Variants in ZNF780B observed in about 807,000 individuals in gnomAD.
ZNF780B encodes zinc finger protein 779.
A neutral mutation model predicts 74.1 loss-of-function variants in ZNF780B; 52 were observed. That is an observed-to-expected ratio of 0.70 (90% CI 0.56 to 0.88). The LOEUF (loss-of-function observed/expected upper bound fraction) is 0.88, where lower values mean the gene tolerates loss of function less well. Ranked by LOEUF, ZNF780B falls within the 40% of genes least tolerant of loss-of-function variation. The probability of loss-of-function intolerance (pLI) is 0.00; values close to 1 mark genes in which losing one functional copy is unlikely to be tolerated. For missense variants in ZNF780B, 953 were observed against 1,007.6 expected, an observed-to-expected ratio of 0.95 and a Z score of 0.73; for synonymous variants, 315 against 324.3, an observed-to-expected ratio of 0.97 and a Z score of 0.31.
intron 4 of ZNF780B, among the ~76,000 whole-genome samples, chr19:40,043,488 T>C (rs1456029936): frequency 6.6e-6 from 1 of 152,218 alleles, no homozygotes; most frequent in Non-Finnish European, 1.5e-5. Flanking sequence ...TACTGCTGTC[T>C]TTTTGCCCTG....
In ZNF780B at chr19:40,040,965, C is replaced by T. The variant is rs1188613197; in HGVS notation, c.233-4339G>A. Reference sequence around the variant, plus strand: ...TGCCTTCTGCTAGCTTTTGAATGTGCTTGCTCTTGCTTTTCTAGTTAATTG... The same window carrying T: ...TGCCTTCTGCTAGCTTTTGAATGTGTTTGCTCTTGCTTTTCTAGTTAATTG... On this transcript the variant is annotated intron_variant, in intron 4 of 4. Coordinates refer to ENST00000434248, the MANE Select transcript of ZNF780B (RefSeq NM_001005851.3). Among the ~76,000 whole-genome samples the T allele has an allele frequency of 1.8e-4, 27 of 152,154 alleles. 1 individual carries two copies. In the South Asian group the frequency reaches 5.6e-3, roughly 32 times the overall value.
intron 2 of ZNF780B, 129 bp from the exon 3 acceptor site, chr19:40,048,925 T>C: frequency 7.1e-7 from 1 of 1,402,974 alleles, no homozygotes; most frequent in South Asian, 1.4e-5. Flanking sequence ...TACACATTCT[T>C]CAAGAATCCT....
chr19:40,037,654 G>T (rs1260937693), intron 4 of ZNF780B, among the ~76,000 whole-genome samples: 1 of 152,086 alleles, frequency 6.6e-6, no homozygotes, highest in East Asian at 1.9e-4. Flanking sequence ...AACTGGTTTT[G>T]AATGGTTTAT....
intron 4 of ZNF780B, among the ~76,000 whole-genome samples, chr19:40,039,830 T>C (rs1321370637): frequency 6.6e-6 from 1 of 151,982 alleles, no homozygotes; most frequent in Non-Finnish European, 1.5e-5. Flanking sequence ...TGGGGTTTTC[T>C]AGATATACAA....
At chr19:40,055,049 C>T (rs1973425001) in intron 1 of ZNF780B, among the ~76,000 whole-genome samples, 1 of 152,196 alleles carries the variant, frequency 6.6e-6, no homozygotes, top group Non-Finnish European at 1.5e-5. Context: ...CTCCATTCTT[C>T]CCTACTTGGA....
chr19:40,032,383 C>A lies in ZNF780B; in HGVS notation c.*1974G>T, dbSNP rs1028829535. On this transcript the variant is annotated 3_prime_UTR_variant, in exon 5 of 5. Transcript: ENST00000434248. ...GCTACAATACACTAAAGAGAGATAA[C>A]CAAATGCAATGCAGAATCTGCAATG... 5.1e-6 allele frequency: 2 copies of A among 393,864 alleles called. No homozygotes were observed. The highest frequency in any genetic ancestry group is 6.7e-5 in the Admixed American group (2 of 29,840). 24.4% of individuals were successfully genotyped at this position (393,864 alleles called of 1,614,324 possible). A position where few individuals can be genotyped will look rare whatever the true frequency, so the allele number is the denominator to read the frequency against.
In ZNF780B at chr19:40,034,309, G is replaced by A. The variant is rs1972121263; in HGVS notation, c.*48C>T. ...TGAAATCTATAATGTCCATGAAATT[G>A]GTAATGATATTGAAAGGCCTTCCCA... On this transcript the variant is annotated 3_prime_UTR_variant, in exon 5 of 5. Coordinates refer to ENST00000434248, the MANE Select transcript of ZNF780B (RefSeq NM_001005851.3). The A allele has an allele frequency of 7.1e-7, 1 of 1,415,006 alleles. No homozygotes were observed. Among genetic ancestry groups the A allele is most frequent in the Non-Finnish European group, 9.7e-7 (1 of 1,026,626 alleles). The allele number at this position is 1,415,006 out of a possible 1,614,324, so 87.7% of individuals were successfully genotyped here.
In ZNF780B at chr19:40,029,599, A is replaced by T. The variant is rs1971955173; in HGVS notation, c.*4758T>A. 6.5e-6 allele frequency: 1 copy of T among 154,022 alleles called. No individual in the cohort carries two copies. Among genetic ancestry groups the T allele is most frequent in the African/African-American group, 2.4e-5 (1 of 41,512 alleles). The allele number at this position is 154,022 out of a possible 1,614,324, so 9.5% of individuals were successfully genotyped here. ...CTGAAACTATTAAAAGAATTCTAACAAAAGCAGCATCTTTTTTTCCATACC... is the reference window on the plus strand; with the variant it reads ...CTGAAACTATTAAAAGAATTCTAACTAAAGCAGCATCTTTTTTTCCATACC... On this transcript the variant is annotated 3_prime_UTR_variant, in exon 5 of 5. Transcript: ENST00000434248.
At chr19:40,043,147 T>C (rs1972740095) in intron 4 of ZNF780B, among the ~76,000 whole-genome samples, 1 of 152,222 alleles carries the variant, frequency 6.6e-6, no homozygotes, top group Non-Finnish European at 1.5e-5. Flanking sequence ...GCAGGTCTGT[T>C]GGAGTTTGCT....
In ZNF780B at chr19:40,029,947, C is replaced by G. The variant is rs989524261; in HGVS notation, c.*4410G>C. Reference sequence around the variant, plus strand: ...ATTACTACAGGTGCTTCTCAACTTACGGGGAGTTATGTCCAAATAAACCCA... The same window carrying G: ...ATTACTACAGGTGCTTCTCAACTTAGGGGGAGTTATGTCCAAATAAACCCA... On this transcript the variant is annotated 3_prime_UTR_variant, in exon 5 of 5. Coordinates refer to ENST00000434248, the MANE Select transcript of ZNF780B (RefSeq NM_001005851.3). 2 of 152,142 alleles carry G rather than the reference C, an allele frequency of 1.3e-5. No homozygotes were observed. Among genetic ancestry groups the G allele is most frequent in the Non-Finnish European group, 1.5e-5 (1 of 68,030 alleles). The allele number at this position is 152,142 out of a possible 1,614,324, so 9.4% of individuals were successfully genotyped here.
In ZNF780B at chr19:40,050,196, C is replaced by CAAAAAAAAAA. The variant is rs74179712; in HGVS notation, c.9+118_9+127dup. 31 of 392,382 alleles carry CAAAAAAAAAA rather than the reference C, an allele frequency of 7.9e-5. No individual in the cohort carries two copies. The African/African-American group carries it at 1.8e-3, about 23-fold the overall frequency. The allele number at this position is 392,382 out of a possible 1,614,324, so 24.3% of individuals were successfully genotyped here. On this transcript the variant is annotated intron_variant, in intron 2 of 4. Transcript: ENST00000434248. ...TGGGTGACAGAGCAAGACTCCGTCT[C>CAAAAAAAAAA]AAAAAAAAAAAAAAAAAAAAAAAAA...
Position 40,036,022 on chromosome 19 carries a change from A to G in ZNF780B, c.837T>C (p.Cys279=). ...SIHAGVKPYQ[C]KECGKAFNRG... ...GATTAAAGGCTTTCCCACACTCCTT[A>G]CATTGATATGGTTTTACACCAGCAT... is the stretch of plus-strand genomic sequence containing the variant. Residue 279 remains cysteine, a synonymous_variant, in exon 5 of 5, where the codon TGT becomes TGC. Coordinates refer to ENST00000434248, the MANE Select transcript of ZNF780B (RefSeq NM_001005851.3). 1 of 1,614,080 alleles carries G rather than the reference A, an allele frequency of 6.2e-7. No homozygotes were observed. The highest frequency in any genetic ancestry group is 8.5e-7 in the Non-Finnish European group (1 of 1,180,000).
At position 40,030,666 on chromosome 19, in the gene ZNF780B, T is replaced by C. The variant is rs1392200702; in HGVS notation, c.*3691A>G. 6.6e-6 allele frequency: 1 copy of C among 152,234 alleles called. No homozygotes were observed. Among genetic ancestry groups the C allele is most frequent in the Non-Finnish European group, 1.5e-5 (1 of 68,040 alleles). The allele number at this position is 152,234 out of a possible 1,614,324, so 9.4% of individuals were successfully genotyped here. A position where few individuals can be genotyped will look rare whatever the true frequency, so the allele number is the denominator to read the frequency against. On this transcript the variant is annotated 3_prime_UTR_variant, in exon 5 of 5. Transcript: ENST00000434248. ...ACAAATATATTAAAGTGTTTTATTA[T>C]GTTTGCAAAGGGACTCTGACTTCCA...
intron 1 of ZNF780B, 139 bp from the exon 2 acceptor site, chr19:40,050,516 C>A: frequency 1.1e-6 from 1 of 878,918 alleles, no homozygotes; most frequent in South Asian, 1.7e-5. Flanking sequence ...CCCGTCACTC[C>A]CTTTTTCCCT....
At chr19:40,044,639 T>C (rs1972848866) in intron 4 of ZNF780B, among the ~76,000 whole-genome samples, 1 of 151,980 alleles carries the variant, frequency 6.6e-6, no homozygotes, top group African/African-American at 2.4e-5. Context: ...CACCTAGAAG[T>C]GAAAGGACAA....
In ZNF780B at chr19:40,035,375, T is replaced by C; in HGVS notation, c.1484A>G (p.His495Arg). 2 of 1,614,214 alleles carry C rather than the reference T, an allele frequency of 1.2e-6. No homozygotes were observed. Among genetic ancestry groups the C allele is most frequent in the Non-Finnish European group, 1.7e-6 (2 of 1,180,022 alleles). The change falls in exon 5 of 5, where the codon CAT becomes CGT. Residue 495 changes from histidine to arginine, a missense_variant. By Grantham distance (29) the His-to-Arg change is conservative. Transcript: ENST00000434248. ...LTQLARHKNI[H>R]TGEKPFECKD... ...ACATTCAAATGGTTTCTCACCAGTATGAATGTTCTTATGTCGAGCAAGCTG... is the reference window on the plus strand; with the variant it reads ...ACATTCAAATGGTTTCTCACCAGTACGAATGTTCTTATGTCGAGCAAGCTG...
chr19:40,042,419 T>C (rs1467661495), intron 4 of ZNF780B, among the ~76,000 whole-genome samples: 1 of 152,186 alleles, frequency 6.6e-6, no homozygotes, highest in East Asian at 1.9e-4. Flanking sequence ...TGTGGCATTC[T>C]CTGTATTTCC....
chr19:40,054,355 T>A (rs891436825), intron 1 of ZNF780B, among the ~76,000 whole-genome samples: 1 of 152,200 alleles, frequency 6.6e-6, no homozygotes, highest in Non-Finnish European at 1.5e-5. Context: ...CTACTATTAA[T>A]AACTATTCTG....
At chr19:40,044,180 G>A (rs951671800) in intron 4 of ZNF780B, among the ~76,000 whole-genome samples, 8 of 152,090 alleles carry the variant, frequency 5.3e-5, no homozygotes, top group African/African-American at 1.7e-4. Context: ...AGGTCCTAGA[G>A]ACAAAGAGAA....
Sources: gnomAD v4.1 joint callset for allele counts (sites outside exome capture counted in the v4.1 genomes callset) on GRCh38, gnomAD v4.1.1 for gene constraint, MANE v1.5 for transcripts, NCBI Gene and HGNC (gene_info 2026-07-23, HGNC 2026-07-21) for gene names.